SNX24: variants seen among roughly 807,000 people sequenced by gnomAD.
SNX24 encodes sorting nexin-24.
SNX24 carries 22 observed loss-of-function variants against 28.7 expected under a neutral mutation model. The ratio of observed to expected loss-of-function variants is 0.77; its 90% CI spans 0.55 to 1.10. The LOEUF (loss-of-function observed/expected upper bound fraction) is 1.10, where lower values mean the gene tolerates loss of function less well. Ranked by LOEUF, SNX24 falls within the 50% of genes least tolerant of loss-of-function variation. The probability of loss-of-function intolerance (pLI) is 0.00; values close to 1 mark genes in which losing one functional copy is unlikely to be tolerated. For missense variants in SNX24, 221 were observed against 201.1 expected, an observed-to-expected ratio of 1.10 and a Z score of -0.60; for synonymous variants, 69 against 71.5, an observed-to-expected ratio of 0.96 and a Z score of 0.18.
At position 123,007,742 on chromosome 5, in the gene SNX24, C is replaced by G; in HGVS notation, c.503C>G (p.Pro168Arg). The G allele has an allele frequency of 6.2e-7, 1 of 1,600,196 alleles. No individual in the cohort carries two copies. The highest frequency in any genetic ancestry group is 8.5e-7 in the Non-Finnish European group (1 of 1,176,514). Residue 168 changes from proline (P) to arginine (R), a missense_variant, in exon 7 of 7, where the codon CCC becomes CGC. By Grantham distance (103) the Pro-to-Arg change is moderately radical (BLOSUM62 -2). Transcript: ENST00000261369. The part of the protein sequence containing the change: ...LHGIFYPHLQ[P>R]R ...GGGATATTTTACCCTCATCTACAGCCCAGGTAGAAATCCTACATGGCTAAA... is the reference window on the plus strand; with the variant it reads ...GGGATATTTTACCCTCATCTACAGCGCAGGTAGAAATCCTACATGGCTAAA...
intron 1 of SNX24, among the ~76,000 whole-genome samples, chr5:122,876,235 A>G (rs954225711): frequency 6.6e-6 from 1 of 152,222 alleles, no homozygotes; most frequent in Non-Finnish European, 1.5e-5. Context: ...TTGAAAGTGT[A>G]TATATTTTAC....
chr5:122,901,014 A>C (rs1353333927), intron 1 of SNX24, among the ~76,000 whole-genome samples: 1 of 152,092 alleles, frequency 6.6e-6, no homozygotes, highest in Admixed American at 6.6e-5. Context: ...CAGCCTGGCC[A>C]ACATGGTGAA....
At chr5:122,848,421 G>A (rs1330836768) in intron 1 of SNX24, among the ~76,000 whole-genome samples, 1 of 151,942 alleles carries the variant, frequency 6.6e-6, no homozygotes, top group Non-Finnish European at 1.5e-5. Flanking sequence ...AATTTAAAAC[G>A]GCCGGGGCGT....
intron 6 of SNX24, among the ~76,000 whole-genome samples, chr5:123,006,265 C>T (rs952883403): frequency 6.6e-5 from 10 of 152,152 alleles, no homozygotes; most frequent in Admixed American, 1.3e-4. Flanking sequence ...CTATTTTACT[C>T]CTCTTCTGGG....
rs1210770826 is a variant in SNX24 at position 123,007,747 on chromosome 5, T to C, written c.508T>C (p.Ter170GlnextTer25). The C allele has an allele frequency of 1.9e-6, 3 of 1,600,568 alleles. No individual in the cohort carries two copies. The highest frequency in any genetic ancestry group is 3.5e-5 in the Admixed American group (2 of 56,760). Residue 170 changes from the stop codon to glutamine, a stop_lost, in exon 7 of 7, where the codon TAG (stop) becomes CAG (glutamine). Coordinates refer to ENST00000261369, the MANE Select transcript of SNX24 (RefSeq NM_014035.4). ...GIFYPHLQPR[*>Q] ...ATTTTACCCTCATCTACAGCCCAGGTAGAAATCCTACATGGCTAAAAGAAG... is the reference window on the plus strand; with the variant it reads ...ATTTTACCCTCATCTACAGCCCAGGCAGAAATCCTACATGGCTAAAAGAAG...
At chr5:122,999,089 A>G (rs1581851290) in intron 3 of SNX24, among the ~76,000 whole-genome samples, 1 of 152,170 alleles carries the variant, frequency 6.6e-6, no homozygotes, top group Non-Finnish European at 1.5e-5. Context: ...ACTTATATTC[A>G]GTTCACACAC....
At chr5:122,883,957 A>G (rs1483384143) in intron 1 of SNX24, among the ~76,000 whole-genome samples, 2 of 152,184 alleles carry the variant, frequency 1.3e-5, no homozygotes, top group African/African-American at 4.8e-5. Flanking sequence ...TCCTCGCCAC[A>G]TCATTGACTG....
At chr5:122,917,624 G>C (rs1169483078) in intron 1 of SNX24, among the ~76,000 whole-genome samples, 1 of 152,134 alleles carries the variant, frequency 6.6e-6, no homozygotes, top group African/African-American at 2.4e-5. Context: ...GTGGTGATGT[G>C]CGTCATAAAA....
rs192434370 is a variant in SNX24, at chr5:122,883,787, C to A, written c.60+38094C>A. Reference sequence around the variant, plus strand: ...ACCTTACCCTCCGGAATAGCTGGGACTGCAGGCACGCATGCGCCACCACAC... The same window carrying A: ...ACCTTACCCTCCGGAATAGCTGGGAATGCAGGCACGCATGCGCCACCACAC... On this transcript the variant is annotated intron_variant, in intron 1 of 6. Coordinates refer to ENST00000261369, the MANE Select transcript of SNX24 (RefSeq NM_014035.4). 2.1e-3 allele frequency among the ~76,000 whole-genome samples: 312 copies of A among 152,112 alleles called. 1 individual carries two copies. Among genetic ancestry groups the A allele is most frequent in the Non-Finnish European group, 3.8e-3 (260 of 68,002 alleles).
chr5:122,916,266 G>T (rs543174302), intron 1 of SNX24, among the ~76,000 whole-genome samples: 2 of 152,138 alleles, frequency 1.3e-5, no homozygotes, highest in Non-Finnish European at 2.9e-5. Context: ...CATTCTGATT[G>T]CATGAGGAAA....
At position 122,930,792 on chromosome 5, in the gene SNX24, TACAC is replaced by T. The variant is rs201900774; in HGVS notation, c.61-5934_61-5931del. ...TCTTTCGAAAGCAGAATCATATCAA[TACAC>T]ACACACATACATTTAATCACGTCCA... On this transcript the variant is annotated intron_variant, in intron 1 of 6. Coordinates refer to ENST00000261369, the MANE Select transcript of SNX24 (RefSeq NM_014035.4). 8.4e-3 allele frequency among the ~76,000 whole-genome samples: 1,283 copies of T among 152,296 alleles called. 22 individuals carry two copies. The highest frequency in any genetic ancestry group is 0.03 in the African/African-American group (1,231 of 41,578).
chr5:122,872,058 A>G (rs1756006125), intron 1 of SNX24, among the ~76,000 whole-genome samples: 1 of 151,072 alleles, frequency 6.6e-6, no homozygotes, highest in Non-Finnish European at 1.5e-5. Flanking sequence ...GATACTTCTA[A>G]AGACATTTTT....
At chr5:123,018,780 G>A (rs555913824) in intron 5 of SNX24, among the ~76,000 whole-genome samples, 223 of 151,930 alleles carry the variant, frequency 1.5e-3, no homozygotes, top group Non-Finnish European at 1.6e-3. Context: ...TCCGCCTCCC[G>A]GGTTCAAGCA....
chr5:122,866,669 C>T (rs1755734887), intron 1 of SNX24, among the ~76,000 whole-genome samples: 1 of 152,104 alleles, frequency 6.6e-6, no homozygotes, highest in Admixed American at 6.6e-5. Flanking sequence ...AAGGGATCTG[C>T]CATATTCCAG....
chr5:122,883,182 C>G (rs1346751071), intron 1 of SNX24, among the ~76,000 whole-genome samples: 1 of 152,140 alleles, frequency 6.6e-6, no homozygotes, highest in African/African-American at 2.4e-5. Context: ...CACGCAGAAT[C>G]TTATAGTATG....
At chr5:122,971,007 C>A (rs1258725731) in intron 3 of SNX24, among the ~76,000 whole-genome samples, 2 of 152,162 alleles carry the variant, frequency 1.3e-5, no homozygotes, top group African/African-American at 4.8e-5. Flanking sequence ...CTCACACAAT[C>A]ACAAGGTGAA....
At chr5:122,985,535 G>A (rs74833609) in intron 3 of SNX24, among the ~76,000 whole-genome samples, 4,586 of 152,244 alleles carry the variant, frequency 0.03, 129 homozygotes, top group East Asian at 0.04. Flanking sequence ...AGAGGATTAA[G>A]CGACCCATTA....
intron 1 of SNX24, among the ~76,000 whole-genome samples, chr5:122,899,636 T>C (rs914880124): frequency 1.8e-4 from 27 of 152,176 alleles, no homozygotes; most frequent in African/African-American, 6.3e-4. Context: ...CTCAAAATCC[T>C]GGGCTTAAGC....
chr5:122,922,594 T>C (rs1211719995), intron 1 of SNX24, among the ~76,000 whole-genome samples: 1 of 151,980 alleles, frequency 6.6e-6, no homozygotes, highest in Non-Finnish European at 1.5e-5. Flanking sequence ...AAATTTAAAA[T>C]AGCAATAAAG....
Sources: gnomAD v4.1 joint callset for allele counts (sites outside exome capture counted in the v4.1 genomes callset) on GRCh38, gnomAD v4.1.1 for gene constraint, MANE v1.5 for transcripts, NCBI Gene and HGNC (gene_info 2026-07-23, HGNC 2026-07-21) for gene names.